Variants in CNTNAP2 observed in about 807,000 individuals in gnomAD.
The protein encoded by CNTNAP2 is contactin-associated protein-like 2.
Under a neutral mutation model 155.2 loss-of-function variants are expected in CNTNAP2, and 98 were observed. The ratio of observed to expected loss-of-function variants is 0.63; its 90% CI spans 0.54 to 0.75. The LOEUF (loss-of-function observed/expected upper bound fraction) is 0.75. Ranked by LOEUF, CNTNAP2 falls within the 30% of genes least tolerant of loss-of-function variation. The pLI is 0.00. For missense variants in CNTNAP2, 1,727 were observed against 1,688.1 expected (o/e 1.02, Z -0.40); for synonymous variants, 651 against 631.2 (o/e 1.03, Z -0.47).
intron 1 of CNTNAP2, among the ~76,000 whole-genome samples, chr7:146,327,548 T>TA (rs1293477859): frequency 1.3e-5 from 2 of 152,216 alleles, no homozygotes; most frequent in Non-Finnish European, 2.9e-5. Context: ...ATCCATGACT[T>TA]ACAGTTCATC....
chr7:147,969,193 G>A (rs189744269), intron 14 of CNTNAP2, among the ~76,000 whole-genome samples: 5,566 of 152,120 alleles, frequency 0.037, 314 homozygotes, highest in African/African-American at 0.12. Context: ...GGGACGACAG[G>A]CATGTGCCAC....
chr7:147,756,223 G>C (rs545691197), intron 13 of CNTNAP2, among the ~76,000 whole-genome samples: 2 of 152,238 alleles, frequency 1.3e-5, no homozygotes, highest in South Asian at 4.1e-4. Context: ...TTGATATAAA[G>C]GCAAACCTGT....
intron 8 of CNTNAP2, among the ~76,000 whole-genome samples, chr7:147,241,502 C>G (rs2116638485): frequency 6.6e-6 from 1 of 152,088 alleles, no homozygotes; most frequent in East Asian, 1.9e-4. Flanking sequence ...GTTGCATGCG[C>G]CTGTAATCCC....
At chr7:147,045,165 A>G (rs1436928637) in intron 4 of CNTNAP2, among the ~76,000 whole-genome samples, 3 of 152,170 alleles carry the variant, frequency 2.0e-5, no homozygotes, top group Non-Finnish European at 2.9e-5. Flanking sequence ...CTGGGTATGA[A>G]CAAGGAGGGG....
intron 8 of CNTNAP2, among the ~76,000 whole-genome samples, chr7:147,218,276 C>T (rs1391864432): frequency 2.0e-5 from 3 of 151,680 alleles, no homozygotes; most frequent in Non-Finnish European, 2.9e-5. Flanking sequence ...GCTTTCAATA[C>T]TGTAAATGTC....
chr7:147,416,499 C>T (rs1437220186), intron 10 of CNTNAP2, among the ~76,000 whole-genome samples: 1 of 152,226 alleles, frequency 6.6e-6, no homozygotes, highest in African/African-American at 2.4e-5. Flanking sequence ...CCAGTGTTCA[C>T]AGTGCCCCAT....
At chr7:148,040,781 G>A (rs983154516) in intron 15 of CNTNAP2, among the ~76,000 whole-genome samples, 7 of 152,170 alleles carry the variant, frequency 4.6e-5, no homozygotes, top group African/African-American at 1.7e-4. Flanking sequence ...CAGTCTAGGT[G>A]TGGAGAATAT....
intron 15 of CNTNAP2, among the ~76,000 whole-genome samples, chr7:148,050,658 T>C (rs2710135): frequency 0.76 from 115,648 of 152,126 alleles, 44,997 homozygotes; most frequent in African/African-American, 0.93. Flanking sequence ...ACAGTAATGT[T>C]CTAGGCCTTC....
At chr7:147,626,270 G>A (rs1258307732) in intron 12 of CNTNAP2, among the ~76,000 whole-genome samples, 3 of 152,150 alleles carry the variant, frequency 2.0e-5, no homozygotes, top group Admixed American at 6.5e-5. Context: ...TTTTTTAGTG[G>A]GGAAGTCTAT....
At chr7:146,698,593 A>AT (rs1171526926) in intron 1 of CNTNAP2, among the ~76,000 whole-genome samples, 10 of 151,826 alleles carry the variant, frequency 6.6e-5, no homozygotes, top group African/African-American at 2.4e-4. Context: ...CAGGAAGGAG[A>AT]TTTTTAACTG....
intron 3 of CNTNAP2, among the ~76,000 whole-genome samples, chr7:146,938,980 A>G (rs887153303): frequency 3.9e-5 from 6 of 152,122 alleles, no homozygotes; most frequent in South Asian, 4.1e-4. Context: ...GACATTGTCA[A>G]TGCAGGCTAG....
chr7:147,633,147 A>G (rs748925977), intron 12 of CNTNAP2, among the ~76,000 whole-genome samples: 9 of 152,218 alleles, frequency 5.9e-5, no homozygotes, highest in Non-Finnish European at 1.2e-4. Flanking sequence ...CAGCATCCCA[A>G]CTGCTTCAGC....
chr7:147,040,840 G>A (rs975872436), intron 3 of CNTNAP2, among the ~76,000 whole-genome samples: 7 of 152,034 alleles, frequency 4.6e-5, no homozygotes, highest in African/African-American at 7.3e-5. Context: ...CTGAGCAGTC[G>A]AGCAATAAAT....
intron 1 of CNTNAP2, among the ~76,000 whole-genome samples, chr7:146,199,226 G>A (rs988497386): frequency 6.6e-6 from 1 of 152,144 alleles, no homozygotes; most frequent in African/African-American, 2.4e-5. Flanking sequence ...CCAGCAAATG[G>A]AGTGGATGTC....
At chr7:147,255,772 C>G (rs182174033) in intron 8 of CNTNAP2, among the ~76,000 whole-genome samples, 1 of 152,038 alleles carries the variant, frequency 6.6e-6, no homozygotes, top group Non-Finnish European at 1.5e-5. Context: ...ATTGAGCCTT[C>G]GTCACCCAGG....
intron 18 of CNTNAP2, among the ~76,000 whole-genome samples, chr7:148,181,690 C>T (rs1012384868): frequency 1.2e-4 from 16 of 137,362 alleles, no homozygotes; most frequent in African/African-American, 4.1e-4. Flanking sequence ...ACAAAGTGTT[C>T]GGATTTGGCT....
At chr7:146,175,493 G>A (rs1415509939) in intron 1 of CNTNAP2, among the ~76,000 whole-genome samples, 1 of 152,190 alleles carries the variant, frequency 6.6e-6, no homozygotes, top group Non-Finnish European at 1.5e-5. Flanking sequence ...ATCCATCTCA[G>A]TATGATGGGC....
intron 13 of CNTNAP2, among the ~76,000 whole-genome samples, chr7:147,823,263 C>G (rs1798389955): frequency 6.6e-6 from 1 of 152,216 alleles, no homozygotes; most frequent in Admixed American, 6.6e-5. Flanking sequence ...TAATCAGCAG[C>G]TGCCCTGCTG....
At chr7:146,541,138 T>A (rs1199797322) in intron 1 of CNTNAP2, among the ~76,000 whole-genome samples, 1 of 152,024 alleles carries the variant, frequency 6.6e-6, no homozygotes, top group Non-Finnish European at 1.5e-5. Context: ...TCTTCCTCCT[T>A]GTACTTCAGA....
Sources: allele counts gnomAD v4.1 joint callset (sites outside exome capture counted in the v4.1 genomes callset), GRCh38; gene constraint gnomAD v4.1.1; transcripts MANE v1.5; gene names NCBI Gene and HGNC (gene_info 2026-07-23, HGNC 2026-07-21).